The following ARHGEF4 variants were observed in gnomAD, a reference collection of about 807,000 sequenced individuals.
ARHGEF4 encodes APC-stimulated guanine nucleotide exchange factor 1.
Under a neutral mutation model 162.0 loss-of-function variants are expected in ARHGEF4, and 119 were observed. The ratio of observed to expected loss-of-function variants is 0.73; its 90% CI spans 0.63 to 0.86. ARHGEF4 has a LOEUF of 0.86. Among genes scored for constraint, ARHGEF4 ranks in the 40% least tolerant of loss-of-function variants. The probability of loss-of-function intolerance (pLI) is 0.00; values close to 1 mark genes in which losing one functional copy is unlikely to be tolerated. For synonymous variants in ARHGEF4, 1,014 were observed against 979.9 expected, an observed-to-expected ratio of 1.03 and a Z score of -0.65; for missense variants, 2,488 against 2,456.0, an observed-to-expected ratio of 1.01 and a Z score of -0.28.
chr2:130,916,679 G>A lies in ARHGEF4; in HGVS notation c.2733G>A (p.Leu911=), dbSNP rs1681518413. Residue 911 remains leucine, a synonymous_variant, in exon 2 of 14, where the codon TTG becomes TTA. Coordinates refer to ENST00000409359, the MANE Select transcript of ARHGEF4 (RefSeq NM_001367493.1). ...AAAAACTCAGGGCAAGGTTGGCCTT[G>A]GCTCATAAGACCTTTTCAAACTTTA... is the stretch of plus-strand genomic sequence containing the variant. ...TEKKLRARLA[L]AHKTFSNFIE... is the part of the protein sequence containing the mutation. 6.4e-7 allele frequency: 1 copy of A among 1,550,516 alleles called. No individual in the cohort carries two copies. The highest frequency in any genetic ancestry group is 2.0e-5 in the Admixed American group (1 of 50,990).
chr2:130,840,370 C>T (rs1170548292), intron 1 of ARHGEF4, among the ~76,000 whole-genome samples: 1 of 152,192 alleles, frequency 6.6e-6, no homozygotes, highest in Non-Finnish European at 1.5e-5. Flanking sequence ...CTGTCCACCG[C>T]ATTTTCAGGT....
intron 4 of ARHGEF4, chr2:130,947,152 C>G (rs906437537): frequency 6.5e-6 from 1 of 153,468 alleles, no homozygotes; most frequent in Admixed American, 6.4e-5. Flanking sequence ...ATTGCTTGAA[C>G]CTGGGAGTCA....
intron 1 of ARHGEF4, among the ~76,000 whole-genome samples, chr2:130,907,810 G>A (rs1018527999): frequency 6.6e-6 from 1 of 151,782 alleles, no homozygotes; most frequent in Non-Finnish European, 1.5e-5. Flanking sequence ...CAAAAAATTA[G>A]CCAGGCGTGG....
chr2:130,870,354 A>G (rs758334835), intron 1 of ARHGEF4, among the ~76,000 whole-genome samples: 2 of 152,162 alleles, frequency 1.3e-5, no homozygotes, highest in Non-Finnish European at 2.9e-5. Context: ...GCATGCTGAG[A>G]TGGAAAAGCA....
intron 1 of ARHGEF4, among the ~76,000 whole-genome samples, chr2:130,893,378 C>G (rs948855937): frequency 6.6e-6 from 1 of 152,158 alleles, no homozygotes; most frequent in Non-Finnish European, 1.5e-5. Flanking sequence ...ATCCTCATTA[C>G]CTAGCACAGC....
intron 4 of ARHGEF4, among the ~76,000 whole-genome samples, chr2:130,994,315 C>T (rs1687239447): frequency 6.6e-6 from 1 of 152,044 alleles, no homozygotes; most frequent in African/African-American, 2.4e-5. Context: ...CTGGCTTGGC[C>T]ATTTTATATT....
Position 130,931,143 on chromosome 2 carries a change from G to A in ARHGEF4, c.3744G>A (p.Ser1248=), listed in dbSNP as rs774227641. The part of the protein sequence containing the change: ...PSQPRGIPHR[S]PVSVDDLWLE... Reference sequence around the variant, plus strand: ...AGCCTAGGGGCATCCCTCACCGCTCGCCCGTCAGTGTGGATGACCTGTGGC... The same window carrying A: ...AGCCTAGGGGCATCCCTCACCGCTCACCCGTCAGTGTGGATGACCTGTGGC... The change falls in exon 3 of 14, where the codon TCG becomes TCA. Residue 1248 remains serine (S), a synonymous_variant. Coordinates refer to ENST00000409359, the MANE Select transcript of ARHGEF4 (RefSeq NM_001367493.1). The A allele has an allele frequency of 1.1e-5, 18 of 1,614,038 alleles. No homozygotes were observed. The highest frequency in any genetic ancestry group is 6.7e-5 in the East Asian group (3 of 44,898).
chr2:130,882,307 T>TCAGGCCTTGTCTGAGC (rs1400169647), intron 1 of ARHGEF4, among the ~76,000 whole-genome samples: 8 of 151,980 alleles, frequency 5.3e-5, no homozygotes, highest in African/African-American at 1.9e-4. Context: ...CTTGTCTGAG[T>TCAGGCCTTGTCTGAGC]CAGCTTGGGC....
rs1017238079 is a variant in ARHGEF4 at position 131,030,842 on chromosome 2, G to C, written c.4125+2758G>C. 5.3e-5 allele frequency among the ~76,000 whole-genome samples: 8 copies of C among 152,200 alleles called. No homozygotes were observed. In the East Asian group the frequency reaches 5.8e-4, roughly 11 times the overall value. On this transcript the variant is annotated intron_variant, in intron 5 of 13. Coordinates refer to ENST00000409359, the MANE Select transcript of ARHGEF4 (RefSeq NM_001367493.1). ...CAGGAAAGGTGGTGCCTGCCTGTTA[G>C]GAGCCGCCAGAAGCATTAAGTGGAC...
intron 1 of ARHGEF4, among the ~76,000 whole-genome samples, chr2:130,878,052 A>G (rs953244394): frequency 1.3e-5 from 2 of 152,202 alleles, no homozygotes; most frequent in African/African-American, 2.4e-5. Context: ...TCAGGAAGTT[A>G]AATGGAGAGT....
At chr2:130,988,899 TATAGAG>T (rs1245460405) in intron 4 of ARHGEF4, among the ~76,000 whole-genome samples, 241 of 112,996 alleles carry the variant, frequency 2.1e-3, no homozygotes, top group East Asian at 7.8e-3. Flanking sequence ...TATATATATA[TATAGAG>T]AGAGAGAGAG....
chr2:131,041,872 C>A lies in ARHGEF4; in HGVS notation c.4953C>A (p.Ile1651=). 6.2e-7 allele frequency: 1 copy of A among 1,613,668 alleles called. No individual in the cohort carries two copies. Among genetic ancestry groups the A allele is most frequent in the Non-Finnish European group, 8.5e-7 (1 of 1,180,018 alleles). ...CCATGAAGAACGTGGCCCAGCTCAT[C>A]AACGAGCGGAAGCGGAGACTTGAGA... is the stretch of plus-strand genomic sequence containing the variant. ...LHAMKNVAQL[I]NERKRRLENI... is the part of the protein sequence containing the mutation. Residue 1651 remains isoleucine, a synonymous_variant, in exon 10 of 14, where the codon ATC becomes ATA. Transcript: ENST00000409359.
intron 1 of ARHGEF4, among the ~76,000 whole-genome samples, chr2:130,842,922 GA>G: frequency 6.6e-6 from 1 of 152,262 alleles, no homozygotes; most frequent in South Asian, 2.1e-4. Flanking sequence ...TGAAGGGGGC[GA>G]CGTGCAGCTG....
chr2:130,889,811 CAAAAAAAAAA>C (rs35297177), intron 1 of ARHGEF4, among the ~76,000 whole-genome samples: 17 of 67,676 alleles, frequency 2.5e-4, no homozygotes, highest in Admixed American at 6.3e-4. Context: ...GACTCCGTCT[CAAAAAAAAAA>C]AAAAAAAAAA....
chr2:130,844,804 CCAAA>C (rs1681960465), intron 1 of ARHGEF4, among the ~76,000 whole-genome samples: 1 of 151,676 alleles, frequency 6.6e-6, no homozygotes, highest in Admixed American at 6.6e-5. Flanking sequence ...TTTGTCTTCC[CCAAA>C]CAAATATATA....
intron 9 of ARHGEF4, 98 bp from the exon 10 acceptor site, chr2:131,041,717 C>T (rs1690823707): frequency 6.6e-7 from 1 of 1,511,450 alleles, no homozygotes; most frequent in Admixed American, 2.0e-5. Context: ...AGGGCACAGC[C>T]CCAGAGGAAA....
intron 1 of ARHGEF4, among the ~76,000 whole-genome samples, chr2:130,855,911 A>T (rs1481330609): frequency 3.9e-5 from 6 of 152,260 alleles, no homozygotes; most frequent in African/African-American, 1.4e-4. Context: ...TAGTATCAGA[A>T]TTGCTATAAT....
intron 4 of ARHGEF4, among the ~76,000 whole-genome samples, chr2:130,977,454 T>TTAC (rs1685818141): frequency 6.6e-6 from 1 of 151,946 alleles, no homozygotes; most frequent in Non-Finnish European, 1.5e-5. Flanking sequence ...GTTGCGTGTG[T>TTAC]GTGTAGTGTT....
chr2:130,882,609 C>G (rs1247096281), intron 1 of ARHGEF4, among the ~76,000 whole-genome samples: 2 of 152,022 alleles, frequency 1.3e-5, no homozygotes, highest in African/African-American at 2.4e-5. Flanking sequence ...GGGGGAAGGA[C>G]AGAGGCCTTC....
Sources: allele counts gnomAD v4.1 joint callset (sites outside exome capture counted in the v4.1 genomes callset), GRCh38; gene constraint gnomAD v4.1.1; transcripts MANE v1.5; gene names NCBI Gene and HGNC (gene_info 2026-07-23, HGNC 2026-07-21).